The following ASTN2 variants were observed in gnomAD, a reference collection of about 807,000 sequenced individuals.
ASTN2 encodes the protein astrotactin 2, also known as astrotactin-2.
In ASTN2, 54 loss-of-function variants were observed where a neutral mutation model predicts 139.8. The ratio of observed to expected loss-of-function variants is 0.39; its 90% confidence interval spans 0.31 to 0.48. The LOEUF is 0.48. Among genes scored for constraint, ASTN2 ranks in the 20% least tolerant of loss-of-function variants. The probability of loss-of-function intolerance (pLI) is 0.95; values close to 1 mark genes in which losing one functional copy is unlikely to be tolerated. For missense variants in ASTN2, 1,565 were observed against 1,725.1 expected (o/e 0.91, Z 1.64); for synonymous variants, 756 against 719.5 (o/e 1.05, Z -0.81).
chr9:117,132,386 T>C (rs1829847661), intron 4 of ASTN2, among the ~76,000 whole-genome samples: 1 of 151,794 alleles, frequency 6.6e-6, no homozygotes, highest in East Asian at 1.9e-4. Flanking sequence ...TGTTTTATTA[T>C]GCAACAATGC....
chr9:116,679,721 A>C (rs1859724156), intron 16 of ASTN2, among the ~76,000 whole-genome samples: 1 of 152,114 alleles, frequency 6.6e-6, no homozygotes, highest in Non-Finnish European at 1.5e-5. Flanking sequence ...TAAGAAACTC[A>C]CTCAAAACCG....
intron 13 of ASTN2, among the ~76,000 whole-genome samples, chr9:116,805,052 G>A (rs1008489201): frequency 2.0e-4 from 29 of 147,208 alleles, no homozygotes; most frequent in African/African-American, 7.1e-4. Context: ...CAACCTAGCC[G>A]TCACTCACTA....
intron 1 of ASTN2, among the ~76,000 whole-genome samples, chr9:117,347,834 C>G (rs922523977): frequency 3.9e-5 from 6 of 152,086 alleles, no homozygotes; most frequent in Non-Finnish European, 7.4e-5. Flanking sequence ...CACTGGATGA[C>G]AAGGGCACAT....
intron 13 of ASTN2, among the ~76,000 whole-genome samples, chr9:116,760,343 G>A (rs565363473): frequency 2.0e-5 from 3 of 152,312 alleles, no homozygotes; most frequent in African/African-American, 7.2e-5. Context: ...ACACTTGGTG[G>A]CCACATAATA....
intron 19 of ASTN2, among the ~76,000 whole-genome samples, chr9:116,494,812 A>AT (rs1478833841): frequency 2.0e-5 from 3 of 152,192 alleles, no homozygotes; most frequent in African/African-American, 7.2e-5. Context: ...AAGTCAGGAC[A>AT]TTCAGCACCC....
At chr9:117,210,755 A>C (rs1037516232) in intron 3 of ASTN2, among the ~76,000 whole-genome samples, 15 of 152,266 alleles carry the variant, frequency 9.9e-5, no homozygotes, top group Admixed American at 2.6e-4. Context: ...CACACACACA[A>C]AAAGAAAACT....
At chr9:117,377,712 G>A (rs1008806666) in intron 1 of ASTN2, among the ~76,000 whole-genome samples, 4 of 38,444 alleles carry the variant, frequency 1.0e-4, no homozygotes, top group Non-Finnish European at 2.4e-4. Context: ...TAACATAAAT[G>A]TCCATCAATA....
At chr9:116,570,347 C>T (rs1375647161) in intron 19 of ASTN2, among the ~76,000 whole-genome samples, 6 of 151,912 alleles carry the variant, frequency 3.9e-5, no homozygotes, top group African/African-American at 1.5e-4. Flanking sequence ...AATTTTATAT[C>T]TCTATCACCT....
intron 2 of ASTN2, among the ~76,000 whole-genome samples, chr9:117,217,937 C>T (rs1171415167): frequency 6.6e-6 from 1 of 152,188 alleles, no homozygotes; most frequent in Admixed American, 6.5e-5. Context: ...TTCACCTTTA[C>T]ACCTATCATC....
chr9:117,062,233 C>T (rs762552838), intron 5 of ASTN2, among the ~76,000 whole-genome samples: 17 of 152,180 alleles, frequency 1.1e-4, no homozygotes, highest in Non-Finnish European at 2.9e-5. Context: ...GGTCAGCCAC[C>T]TCAGCCAAAC....
chr9:116,889,794 G>C (rs1753224159), intron 10 of ASTN2, among the ~76,000 whole-genome samples: 1 of 151,312 alleles, frequency 6.6e-6, no homozygotes, highest in Admixed American at 6.6e-5. Context: ...AGCCAGATGT[G>C]GTGGCACATG....
chr9:117,217,561 A>G (rs975139762), intron 2 of ASTN2, among the ~76,000 whole-genome samples: 1 of 152,168 alleles, frequency 6.6e-6, no homozygotes, highest in African/African-American at 2.4e-5. Flanking sequence ...ACATGATTTT[A>G]TCCAGGTTCT....
In ASTN2 at chr9:117,414,497, C is replaced by T. The variant is rs1831269128; in HGVS notation, c.442G>A (p.Glu148Lys). The T allele has an allele frequency of 6.2e-7, 1 of 1,608,388 alleles. No homozygotes were observed. The highest frequency in any genetic ancestry group is 1.3e-5 in the African/African-American group (1 of 74,424). ...DNTELPFFTL[E>K]MSGTAADISL... Reference sequence around the variant, plus strand: ...AGCGCGTGCCGGCGCCCAGCCTTACCCAGGGTGAAGAAGGGCAGCTCGGTG... The same window carrying T: ...AGCGCGTGCCGGCGCCCAGCCTTACTCAGGGTGAAGAAGGGCAGCTCGGTG... The change falls in exon 1 of 23, where the codon GAG (glutamate) becomes AAG (lysine). Residue 148 changes from glutamate (E) to lysine (K), a missense_variant and splice_region_variant. Around this residue, in one of 4 missense-constraint regions of ASTN2, gnomAD observed 596 missense variants for 576.8 expected, o/e 1.03. Transcript: ENST00000313400. This position sits in a 1 kb window ranked among gnomAD's most constrained non-coding sequence, Gnocchi z 4.2.
intron 6 of ASTN2, among the ~76,000 whole-genome samples, chr9:117,015,454 A>T (rs1837647413): frequency 6.6e-6 from 1 of 152,184 alleles, no homozygotes; most frequent in Non-Finnish European, 1.5e-5. Flanking sequence ...AATTTATAGT[A>T]TAACAAATGT....
At chr9:116,868,326 A>G (rs1051291569) in intron 10 of ASTN2, among the ~76,000 whole-genome samples, 18 of 152,164 alleles carry the variant, frequency 1.2e-4, no homozygotes, top group African/African-American at 4.3e-4. Flanking sequence ...CCAGTTCTCA[A>G]TGGCGTGATG....
chr9:116,513,678 T>C (rs1212863407), intron 19 of ASTN2, among the ~76,000 whole-genome samples: 1 of 152,226 alleles, frequency 6.6e-6, no homozygotes, highest in Non-Finnish European at 1.5e-5. Flanking sequence ...GTCCCATATT[T>C]CTTGGAGGCT....
At chr9:116,578,619 C>CGCGCGCGCGCGTGT (rs1420552453) in intron 19 of ASTN2, among the ~76,000 whole-genome samples, 3 of 137,672 alleles carry the variant, frequency 2.2e-5, no homozygotes, top group African/African-American at 8.2e-5. Flanking sequence ...CTGGCTCCAA[C>CGCGCGCGCGCGTGT]GTGTGTGTGT....
chr9:116,927,897 CT>C (rs1162777810), intron 10 of ASTN2, among the ~76,000 whole-genome samples: 1 of 152,228 alleles, frequency 6.6e-6, no homozygotes, highest in African/African-American at 2.4e-5. Flanking sequence ...CGACAGCTCC[CT>C]GTGGTGTTTT....
intron 10 of ASTN2, among the ~76,000 whole-genome samples, chr9:116,881,252 T>A (rs1234717068): frequency 6.6e-6 from 1 of 152,312 alleles, no homozygotes; most frequent in East Asian, 1.9e-4. Context: ...TTATAGACAT[T>A]TTCTAGTTCA....
Sources: gnomAD v4.1 joint callset for allele counts (sites outside exome capture counted in the v4.1 genomes callset) on GRCh38, gnomAD v4.1.1 for gene constraint, gnomAD v4.1.1 regional missense constraint, Gnocchi (gnomAD v3.1) non-coding constraint, MANE v1.5 for transcripts, NCBI Gene and HGNC (gene_info 2026-07-23, HGNC 2026-07-21) for gene names.